CSMD2: variants seen among roughly 807,000 people sequenced by gnomAD.
CSMD2 encodes the protein CUB and Sushi multiple domains 2, also known as CUB and sushi domain-containing protein 2.
In CSMD2, 130 loss-of-function variants were observed where a neutral mutation model predicts 398.5. That is an observed-to-expected ratio of 0.33 (90% confidence interval 0.28 to 0.38). The LOEUF (loss-of-function observed/expected upper bound fraction) is 0.38. CSMD2 is among the 10% of genes least tolerant of loss of function. The pLI is 1.00. For missense variants in CSMD2, 3,829 were observed against 4,764.9 expected (o/e 0.80, Z 5.78); for synonymous variants, 1,828 against 1,908.5 (o/e 0.96, Z 1.10).
intron 29 of CSMD2, among the ~76,000 whole-genome samples, chr1:33,641,336 G>A (rs1447427799): frequency 2.0e-5 from 3 of 152,198 alleles, no homozygotes; most frequent in Non-Finnish European, 4.4e-5. Context: ...GAATGAATAT[G>A]TCTTGCATGT....
chr1:33,611,002 G>C (rs759030986), intron 41 of CSMD2, 39 bp downstream of exon 41: 3 of 1,582,694 alleles, frequency 1.9e-6, no homozygotes, highest in Non-Finnish European at 2.6e-6. Flanking sequence ...AAGAGATGGA[G>C]ATAGACAGAG....
At chr1:33,780,622 A>G (rs1422609048) in intron 12 of CSMD2, among the ~76,000 whole-genome samples, 1 of 152,250 alleles carries the variant, frequency 6.6e-6, no homozygotes, top group Non-Finnish European at 1.5e-5. Context: ...TTTAGAGAGC[A>G]CATCTCACTG....
chr1:33,713,569 C>T (rs1427263787), intron 21 of CSMD2, among the ~76,000 whole-genome samples: 2 of 152,124 alleles, frequency 1.3e-5, no homozygotes, highest in East Asian at 1.9e-4. Flanking sequence ...GGGGAAAATA[C>T]TTGCTTCCCC....
chr1:33,636,656 C>T lies in CSMD2; in HGVS notation c.4775-102G>A. 1.1e-6 allele frequency: 1 copy of T among 890,020 alleles called. No individual in the cohort carries two copies. Among genetic ancestry groups the T allele is most frequent in the Non-Finnish European group, 1.8e-6 (1 of 563,786 alleles). The allele number at this position is 890,020 out of a possible 1,614,324, so 55.1% of individuals were successfully genotyped here. A position where few individuals can be genotyped will look rare whatever the true frequency, so the allele number is the denominator to read the frequency against. ...TGAGGAGAACCCGACTTTAATTAGC[C>T]ACAGAGCACACGGGGATGCGTGACT... On this transcript the variant is annotated intron_variant, in intron 29 of 70. Transcript: ENST00000373381. This position sits in a 1 kb window ranked among gnomAD's most constrained non-coding sequence, Gnocchi z 4.8.
chr1:34,025,710 A>T (rs1451477898), intron 3 of CSMD2, among the ~76,000 whole-genome samples: 3 of 152,176 alleles, frequency 2.0e-5, no homozygotes. Context: ...AGAGGCCATG[A>T]ACAGACTAAG....
chr1:33,713,187 G>A (rs1301193198), intron 21 of CSMD2, among the ~76,000 whole-genome samples: 1 of 152,108 alleles, frequency 6.6e-6, no homozygotes, highest in African/African-American at 2.4e-5. Context: ...GTTGGTAAGT[G>A]GCAGAGCAGT....
chr1:33,929,594 C>T (rs896805468), intron 4 of CSMD2, among the ~76,000 whole-genome samples: 9 of 151,980 alleles, frequency 5.9e-5, no homozygotes, highest in East Asian at 1.9e-4. Flanking sequence ...TGTGACACCA[C>T]GTCCAGCTAA....
chr1:33,833,486 T>C (rs1319054283), intron 6 of CSMD2, among the ~76,000 whole-genome samples: 2 of 148,702 alleles, frequency 1.3e-5, no homozygotes, highest in African/African-American at 5.0e-5. Context: ...AAATTAGGTA[T>C]TGATGGGACG....
At chr1:33,694,897 A>AG (rs902905869) in intron 24 of CSMD2, among the ~76,000 whole-genome samples, 2 of 152,194 alleles carry the variant, frequency 1.3e-5, no homozygotes, top group African/African-American at 4.8e-5. Flanking sequence ...GCTGGCTGCC[A>AG]GGACAGCAGA....
intron 13 of CSMD2, among the ~76,000 whole-genome samples, chr1:33,748,864 C>T (rs1404283410): frequency 6.6e-6 from 1 of 152,054 alleles, no homozygotes; most frequent in African/African-American, 2.4e-5. Context: ...TTACAGGTGC[C>T]CATGGACTAT....
At chr1:33,898,444 T>C (rs1267821236) in intron 5 of CSMD2, among the ~76,000 whole-genome samples, 1 of 152,208 alleles carries the variant, frequency 6.6e-6, no homozygotes, top group Non-Finnish European at 1.5e-5. Context: ...CAGCTGACTA[T>C]CACAGATAAA....
intron 6 of CSMD2, among the ~76,000 whole-genome samples, chr1:33,832,819 AT>A (rs1273885103): frequency 6.6e-6 from 1 of 152,128 alleles, no homozygotes; most frequent in Non-Finnish European, 1.5e-5. Flanking sequence ...TAAAGGGGAT[AT>A]CACCACTGAT....
intron 55 of CSMD2, among the ~76,000 whole-genome samples, chr1:33,551,313 C>A (rs868366016): frequency 2.6e-5 from 4 of 152,296 alleles, no homozygotes; most frequent in Middle Eastern, 3.4e-3. Context: ...TTATTATGAG[C>A]ATCTTGGGAA....
intron 6 of CSMD2, among the ~76,000 whole-genome samples, chr1:33,836,883 C>T (rs767574529): frequency 6.6e-6 from 1 of 152,198 alleles, no homozygotes; most frequent in Non-Finnish European, 1.5e-5. Context: ...CACCCACTCT[C>T]CGACAATCCC....
At chr1:34,136,542 T>A (rs575411431) in intron 1 of CSMD2, among the ~76,000 whole-genome samples, 1 of 152,330 alleles carries the variant, frequency 6.6e-6, no homozygotes, top group Non-Finnish European at 1.5e-5. Flanking sequence ...GTTACAGGCC[T>A]GACATATCAT....
chr1:34,109,443 G>A (rs531101128), intron 1 of CSMD2, among the ~76,000 whole-genome samples: 2 of 152,124 alleles, frequency 1.3e-5, no homozygotes, highest in Non-Finnish European at 2.9e-5. Context: ...ATCATTCAAT[G>A]GACATTTGGC....
chr1:33,617,057 G>C, intron 38 of CSMD2, 82 bp from the exon 39 acceptor site: 1 of 1,041,978 alleles, frequency 9.6e-7, no homozygotes, highest in Non-Finnish European at 1.5e-6. Flanking sequence ...ACAGGGGTCT[G>C]GTTCAGGGGC....
At chr1:33,786,404 G>A (rs78588334) in intron 12 of CSMD2, among the ~76,000 whole-genome samples, 4,707 of 152,260 alleles carry the variant, frequency 0.031, 266 homozygotes, top group African/African-American at 0.11. Context: ...AAAGTAGTGA[G>A]TGACAGGGCT....
At chr1:33,721,989 A>C (rs1646373495) in intron 19 of CSMD2, among the ~76,000 whole-genome samples, 1 of 152,192 alleles carries the variant, frequency 6.6e-6, no homozygotes, top group South Asian at 2.1e-4. Context: ...TTACTTAACA[A>C]AGTATTGCAA....
Sources: gnomAD v4.1 joint callset for allele counts (sites outside exome capture counted in the v4.1 genomes callset) on GRCh38, gnomAD v4.1.1 for gene constraint, Gnocchi (gnomAD v3.1) non-coding constraint, MANE v1.5 for transcripts, NCBI Gene and HGNC (gene_info 2026-07-23, HGNC 2026-07-21) for gene names.